HMGCLL1: variants seen among roughly 807,000 people sequenced by gnomAD.
The protein encoded by HMGCLL1 is 3-hydroxy-3-methylglutaryl-CoA lyase like 1.
HMGCLL1 carries 36 observed loss-of-function variants against 39.1 expected under a neutral mutation model. That is an observed-to-expected ratio of 0.92 (90% CI 0.71 to 1.22). The LOEUF is 1.22. Ranked by LOEUF, HMGCLL1 falls within the 50% of genes most tolerant of loss-of-function variation. HMGCLL1 has a pLI of 0.00. For missense variants in HMGCLL1, 451 were observed against 416.5 expected, an observed-to-expected ratio of 1.08 and a Z score of -0.72; for synonymous variants, 149 against 144.0, an observed-to-expected ratio of 1.03 and a Z score of -0.25.
chr6:55,586,359 C>A, the HMGCLL1 span, among the ~76,000 whole-genome samples: 2 of 151,082 alleles, frequency 1.3e-5, no homozygotes, highest in South Asian at 4.2e-4. Flanking sequence ...CTGAAAACAG[C>A]CTCATTATTA....
chr6:55,491,169 T>C (rs767312828), intron 7 of HMGCLL1, among the ~76,000 whole-genome samples: 3 of 152,174 alleles, frequency 2.0e-5, no homozygotes, highest in African/African-American at 4.8e-5. Flanking sequence ...TTTATCTGGC[T>C]AGTAATGGGA....
chr6:55,434,822 C>A lies in HMGCLL1; in HGVS notation c.*840G>T, dbSNP rs1469299002. On this transcript the variant is annotated 3_prime_UTR_variant, in exon 9 of 9. Transcript: ENST00000274901. The stretch of plus-strand genomic sequence containing the variant: ...AATATTCTTAGGATCACAATATTTC[C>A]TTGGGCAATTTGAAAGTGATCTGAA... The A allele has an allele frequency of 2.0e-5, 3 of 151,968 alleles. No homozygotes were observed. The highest frequency in any genetic ancestry group is 7.2e-5 in the African/African-American group (3 of 41,382). 9.4% of individuals were successfully genotyped at this position (151,968 alleles called of 1,614,324 possible).
chr6:55,618,609 CTT>C, the HMGCLL1 span, among the ~76,000 whole-genome samples: 6 of 151,794 alleles, frequency 4.0e-5, no homozygotes, highest in Non-Finnish European at 8.8e-5. Context: ...GATTTGTAAA[CTT>C]AGAATTCTAG....
the HMGCLL1 span, among the ~76,000 whole-genome samples, chr6:55,663,460 GCA>G: frequency 6.6e-6 from 1 of 151,868 alleles, no homozygotes. Flanking sequence ...TCAATCAGGA[GCA>G]CATTGTTTAA....
chr6:55,601,035 T>G, the HMGCLL1 span, among the ~76,000 whole-genome samples: 240 of 152,312 alleles, frequency 1.6e-3, 1 homozygote, highest in African/African-American at 5.4e-3. Context: ...TTTTAACATT[T>G]TATGTCAATG....
intron 3 of HMGCLL1, among the ~76,000 whole-genome samples, chr6:55,538,086 C>T (rs1201564259): frequency 1.3e-5 from 2 of 151,996 alleles, no homozygotes; most frequent in African/African-American, 4.8e-5. Context: ...CCTTATCCTT[C>T]TAAATGTCAC....
intron 7 of HMGCLL1, among the ~76,000 whole-genome samples, chr6:55,467,184 T>G (rs1172526837): frequency 6.6e-6 from 1 of 152,070 alleles, no homozygotes; most frequent in African/African-American, 2.4e-5. Context: ...ATTTCTGAAG[T>G]GAAATTATGG....
In HMGCLL1 at chr6:55,552,264, A is replaced by C. The variant is rs1433532256; in HGVS notation, c.109-10124T>G. On this transcript the variant is annotated intron_variant, in intron 1 of 8. Transcript: ENST00000274901. Reference sequence around the variant, plus strand: ...ATAGAGATTTAAAATCCTAAACATGAATGCTACCAGTCCTCCATTTCAAAC... The same window carrying C: ...ATAGAGATTTAAAATCCTAAACATGCATGCTACCAGTCCTCCATTTCAAAC... Among the ~76,000 whole-genome samples, 7 of 151,964 alleles carry C rather than the reference A, an allele frequency of 4.6e-5. No homozygotes were observed. The East Asian group carries it at 1.3e-3, about 29-fold the overall frequency.
At chr6:55,494,924 A>C (rs1475860949) in intron 7 of HMGCLL1, among the ~76,000 whole-genome samples, 1 of 152,220 alleles carries the variant, frequency 6.6e-6, no homozygotes, top group East Asian at 1.9e-4. Flanking sequence ...TAAAAGACAT[A>C]AGTTCTGTCA....
At chr6:55,566,665 A>G (rs1468001300) in intron 1 of HMGCLL1, 6 of 455,344 alleles carry the variant, frequency 1.3e-5, no homozygotes, top group Non-Finnish European at 2.6e-5. Context: ...CATATTGTGC[A>G]CTGTGTGAAT....
At chr6:55,676,029 C>T in the HMGCLL1 span, among the ~76,000 whole-genome samples, 3 of 152,056 alleles carry the variant, frequency 2.0e-5, no homozygotes, top group African/African-American at 4.8e-5. Context: ...GCCAATTTTG[C>T]CTGAAGATTG....
the HMGCLL1 span, among the ~76,000 whole-genome samples, chr6:55,597,329 A>G: frequency 6.6e-6 from 1 of 152,102 alleles, no homozygotes; most frequent in Non-Finnish European, 1.5e-5. Context: ...TTTCATCATA[A>G]GAGTGCTAAA....
At chr6:55,488,325 G>C (rs1306691718) in intron 7 of HMGCLL1, among the ~76,000 whole-genome samples, 1 of 151,982 alleles carries the variant, frequency 6.6e-6, no homozygotes, top group African/African-American at 2.4e-5. Flanking sequence ...TAAAAGTTAA[G>C]TCAGTACAAG....
rs182114192 is a variant in HMGCLL1, at chr6:55,481,662, G to C, written c.795+13757C>G. Among the ~76,000 whole-genome samples, 3 of 34,234 alleles carry C rather than the reference G, an allele frequency of 8.8e-5. No homozygotes were observed. The East Asian group carries it at 2.5e-3, about 29-fold the overall frequency. The allele number at this position is 34,234 out of a possible 152,430, so 22.5% of individuals were successfully genotyped here. ...ATTTCAAGGGGCTACTTGCAACTTA[G>C]TTCCAACCTATTTTTTTTTTGTCAT... On this transcript the variant is annotated intron_variant, in intron 7 of 8. Transcript: ENST00000274901.
chr6:55,663,013 G>A, the HMGCLL1 span, among the ~76,000 whole-genome samples: 1 of 151,338 alleles, frequency 6.6e-6, no homozygotes, highest in African/African-American at 2.4e-5. Flanking sequence ...TTGTATTTCT[G>A]TGAAGGCAGT....
chr6:55,558,107 C>T (rs1225540860), intron 1 of HMGCLL1, among the ~76,000 whole-genome samples: 1 of 152,082 alleles, frequency 6.6e-6, no homozygotes, highest in Non-Finnish European at 1.5e-5. Flanking sequence ...GTAGGACAAG[C>T]AAGGCTAAAA....
the HMGCLL1 span, among the ~76,000 whole-genome samples, chr6:55,657,866 A>G: frequency 6.6e-6 from 1 of 151,922 alleles, no homozygotes; most frequent in Non-Finnish European, 1.5e-5. Context: ...ATGAGAACAC[A>G]TGGACACATA....
the HMGCLL1 span, among the ~76,000 whole-genome samples, chr6:55,670,169 C>A: frequency 6.6e-6 from 1 of 151,614 alleles, no homozygotes. Flanking sequence ...TTATTATAAG[C>A]CATGGAGGTC....
the HMGCLL1 span, among the ~76,000 whole-genome samples, chr6:55,592,870 T>G: frequency 2.6e-5 from 4 of 152,060 alleles, no homozygotes; most frequent in African/African-American, 9.7e-5. Context: ...GGCTAGTAAG[T>G]AAGAGAGCCA....
Sources: allele counts gnomAD v4.1 joint callset (sites outside exome capture counted in the v4.1 genomes callset), GRCh38; gene constraint gnomAD v4.1.1; transcripts MANE v1.5; gene names NCBI Gene and HGNC (gene_info 2026-07-23, HGNC 2026-07-21).